ALMS1: variants seen among roughly 807,000 people sequenced by gnomAD.
The protein encoded by ALMS1 is ALMS1 centrosome and basal body associated protein, also known as centrosome-associated protein ALMS1.
In ALMS1, 271 loss-of-function variants were observed where a neutral mutation model predicts 352.2. The ratio of observed to expected loss-of-function variants is 0.77; its 90% CI spans 0.70 to 0.85. The LOEUF (loss-of-function observed/expected upper bound fraction) is 0.85. Ranked by LOEUF, ALMS1 falls within the 40% of genes least tolerant of loss-of-function variation. The pLI, the probability that ALMS1 is intolerant of heterozygous loss-of-function variation, is 0.00. For missense variants in ALMS1, 5,445 were observed against 4,870.7 expected, an observed-to-expected ratio of 1.12 and a Z score of -3.51; for synonymous variants, 1,865 against 1,761.2, an observed-to-expected ratio of 1.06 and a Z score of -1.48.
intron 7 of ALMS1, among the ~76,000 whole-genome samples, chr2:73,447,161 T>C (rs1225314300): frequency 6.6e-6 from 1 of 152,200 alleles, no homozygotes; most frequent in Non-Finnish European, 1.5e-5. Flanking sequence ...CTGTCATTTC[T>C]GTTGCAGTCA....
intron 9 of ALMS1, among the ~76,000 whole-genome samples, chr2:73,477,744 A>T (rs896326818): frequency 7.2e-5 from 11 of 152,016 alleles, no homozygotes; most frequent in Non-Finnish European, 1.5e-4. Flanking sequence ...TGTAAATTGA[A>T]TTTTTTTTAA....
Position 73,601,359 on chromosome 2 carries a change from G to A in ALMS1, c.12037G>A (p.Gly4013Ser), listed in dbSNP as rs541576664. The change falls in exon 19 of 23, where the codon GGT (glycine) becomes AGT (serine). Residue 4013 changes from glycine (G) to serine (S), a missense_variant. Gly to Ser is a moderately conservative substitution (Grantham distance 56). Transcript: ENST00000613296. ...EQNCQGQHLDGRGYLAGPGRE... is the reference protein window; with the variant it reads ...EQNCQGQHLDSRGYLAGPGRE... ...GAACTGTCAGGGGCAGCACCTGGAC[G>A]GTCGGGGCTACCTGGCAGGCCCAGG... The A allele has an allele frequency of 6.1e-5, 98 of 1,614,192 alleles. No individual in the cohort carries two copies. The highest frequency in any genetic ancestry group is 4.9e-4 in the East Asian group (22 of 44,874).
intron 3 of ALMS1, 67 bp downstream of exon 3, chr2:73,419,385 C>A: frequency 6.8e-7 from 1 of 1,480,248 alleles, no homozygotes; most frequent in South Asian, 1.1e-5. Context: ...GACTGCAAGT[C>A]TTGTAACTTT....
chr2:73,605,002 A>G (rs1323363318), intron 21 of ALMS1, among the ~76,000 whole-genome samples: 1 of 152,230 alleles, frequency 6.6e-6, no homozygotes, highest in Non-Finnish European at 1.5e-5. Flanking sequence ...GTGAAGGATG[A>G]TGACTGTTTT....
intron 10 of ALMS1, among the ~76,000 whole-genome samples, chr2:73,506,270 G>A (rs1178181606): frequency 6.6e-6 from 1 of 152,130 alleles, no homozygotes; most frequent in Non-Finnish European, 1.5e-5. Context: ...TGGCTATACG[G>A]GCTCTTTTTT....
intron 12 of ALMS1, among the ~76,000 whole-genome samples, chr2:73,544,215 A>G (rs1167149485): frequency 2.6e-5 from 4 of 152,224 alleles, no homozygotes; most frequent in African/African-American, 9.7e-5. Context: ...TGTCCTTTGT[A>G]GGGACATGGA....
chr2:73,486,281 G>C, intron 9 of ALMS1, among the ~76,000 whole-genome samples: 1 of 151,996 alleles, frequency 6.6e-6, no homozygotes, highest in Middle Eastern at 3.2e-3. Context: ...ATTTTGTTTT[G>C]CTGGATAGTC....
At chr2:73,581,077 C>T (rs1232610887) in intron 16 of ALMS1, among the ~76,000 whole-genome samples, 1 of 152,168 alleles carries the variant, frequency 6.6e-6, no homozygotes, top group Non-Finnish European at 1.5e-5. Flanking sequence ...ATGCATCTTG[C>T]TCTGTGCATG....
Position 73,449,488 on chromosome 2 carries a change from G to A in ALMS1, c.2961G>A (p.Leu987=), listed in dbSNP as rs745503022. ...TGAAAATGTCTGCTATTCCTGGACT[G>A]ACTGACCAGAAGACTGTCCCAACAC... ...ESLKMSAIPG[L]TDQKTVPTPT... is the part of the protein sequence containing the mutation. Residue 987 remains leucine, a synonymous_variant, in exon 8 of 23, where the codon CTG becomes CTA. Transcript: ENST00000613296. 1.4e-5 allele frequency: 22 copies of A among 1,613,850 alleles called. No homozygotes were observed. The Admixed American group carries it at 3.5e-4, about 26-fold the overall frequency.
intron 6 of ALMS1, among the ~76,000 whole-genome samples, chr2:73,427,787 G>T (rs79470267): frequency 6.6e-6 from 1 of 152,024 alleles, no homozygotes; most frequent in Non-Finnish European, 1.5e-5. Context: ...TTGTTGTCTG[G>T]TACTGTAAGT....
intron 10 of ALMS1, among the ~76,000 whole-genome samples, chr2:73,514,005 G>A (rs1014166907): frequency 6.6e-6 from 1 of 152,118 alleles, no homozygotes; most frequent in African/African-American, 2.4e-5. Context: ...AAAAGAAAGG[G>A]AGAATAGAAA....
chr2:73,539,967 A>G (rs1674130162), intron 12 of ALMS1, among the ~76,000 whole-genome samples: 1 of 152,238 alleles, frequency 6.6e-6, no homozygotes, highest in Admixed American at 6.5e-5. Flanking sequence ...ATCCAGGAGA[A>G]CTTCCCCAAT....
intron 12 of ALMS1, among the ~76,000 whole-genome samples, chr2:73,546,025 G>A (rs532954570): frequency 1.2e-4 from 19 of 152,276 alleles, no homozygotes; most frequent in African/African-American, 4.6e-4. Context: ...CAGGTGCAGT[G>A]CTATGTTACA....
chr2:73,503,103 A>AT (rs1029882608), intron 10 of ALMS1, among the ~76,000 whole-genome samples: 9 of 151,234 alleles, frequency 6.0e-5, no homozygotes, highest in African/African-American at 4.9e-5. Flanking sequence ...TTTTATTTTT[A>AT]TTTTTTTATA....
At chr2:73,386,485 G>T (rs942157242) in intron 1 of ALMS1, among the ~76,000 whole-genome samples, 1 of 152,164 alleles carries the variant, frequency 6.6e-6, no homozygotes, top group Non-Finnish European at 1.5e-5. Context: ...AGAGGACCAC[G>T]GGTGTGTCGA....
At chr2:73,388,586 T>C (rs1268391015) in intron 1 of ALMS1, among the ~76,000 whole-genome samples, 1 of 152,244 alleles carries the variant, frequency 6.6e-6, no homozygotes, top group Non-Finnish European at 1.5e-5. Flanking sequence ...TTTCTGTTTC[T>C]GAATTGTTTC....
intron 2 of ALMS1, among the ~76,000 whole-genome samples, chr2:73,410,970 A>G (rs10496189): frequency 0.033 from 4,997 of 152,072 alleles, 212 homozygotes; most frequent in Admixed American, 0.093. Context: ...AGTTAAGACA[A>G]TCCCTGACCA....
chr2:73,525,279 G>C (rs1209857356), intron 11 of ALMS1, among the ~76,000 whole-genome samples: 1 of 152,078 alleles, frequency 6.6e-6, no homozygotes, highest in Non-Finnish European at 1.5e-5. Context: ...CTTTATTTTG[G>C]TTATATACCT....
intron 1 of ALMS1, among the ~76,000 whole-genome samples, chr2:73,394,969 T>C (rs932271503): frequency 6.7e-6 from 1 of 149,106 alleles, no homozygotes; most frequent in Non-Finnish European, 1.5e-5. Context: ...AGTAAAAATA[T>C]GGTATTTTAC....
Sources: allele counts gnomAD v4.1 joint callset (sites outside exome capture counted in the v4.1 genomes callset), GRCh38; gene constraint gnomAD v4.1.1; transcripts MANE v1.5; gene names NCBI Gene and HGNC (gene_info 2026-07-23, HGNC 2026-07-21).